Variants in MAPKAPK5 observed in about 807,000 individuals in gnomAD.
MAPKAPK5 encodes the protein MAPK activated protein kinase 5, also known as MAP kinase-activated protein kinase 5.
Under a neutral mutation model 65.1 loss-of-function variants are expected in MAPKAPK5, and 30 were observed. The ratio of observed to expected loss-of-function variants is 0.46; its 90% CI spans 0.34 to 0.63. MAPKAPK5 has a LOEUF of 0.63. Among genes scored for constraint, MAPKAPK5 ranks in the 20% least tolerant of loss-of-function variants. The pLI is 0.01. For synonymous variants in MAPKAPK5, 179 were observed against 204.6 expected (o/e 0.87, Z 1.07); for missense variants, 433 against 581.4 (o/e 0.74, Z 2.63).
Position 111,885,972 on chromosome 12 carries a change from C to T in MAPKAPK5, c.905C>T (p.Pro302Leu). The T allele has an allele frequency of 6.2e-7, 1 of 1,613,922 alleles. No individual in the cohort carries two copies. Among genetic ancestry groups the T allele is most frequent in the South Asian group, 1.1e-5 (1 of 91,072 alleles). ...ACCATCGAGGGAGTGCTGGACCACC[C>T]CTGGCTCAATTCCACCGAGGCCCTG... is the stretch of plus-strand genomic sequence containing the variant. ...RLTIEGVLDHPWLNSTEALDN... is the reference protein window; with the variant it reads ...RLTIEGVLDHLWLNSTEALDN... The change falls in exon 10 of 14, where the codon CCC becomes CTC. Residue 302 changes from proline (P) to leucine (L), a missense_variant. This residue lies in a region of MAPKAPK5 where 169 missense variants were observed against 215.6 expected (regional missense o/e 0.78). Transcript: ENST00000550735.
intron 13 of MAPKAPK5, among the ~76,000 whole-genome samples, 196 bp downstream of exon 13, chr12:111,890,340 C>G (rs1424436277): frequency 6.6e-6 from 1 of 152,164 alleles, no homozygotes; most frequent in Non-Finnish European, 1.5e-5. Flanking sequence ...CTGGCCCTTT[C>G]ACTTATTTTC....
At chr12:111,891,974 A>G (rs1376039513) in intron 13 of MAPKAPK5, among the ~76,000 whole-genome samples, 1 of 152,124 alleles carries the variant, frequency 6.6e-6, no homozygotes, top group Non-Finnish European at 1.5e-5. Flanking sequence ...CCCTCCCTCC[A>G]TTCAAAGGTA....
chr12:111,886,719 G>A (rs1169400174), intron 10 of MAPKAPK5, among the ~76,000 whole-genome samples: 2 of 152,200 alleles, frequency 1.3e-5, no homozygotes, highest in Non-Finnish European at 2.9e-5. Flanking sequence ...CTTTGCAAGT[G>A]GACAGAGGGG....
chr12:111,884,773 G>A (rs1354037018), intron 9 of MAPKAPK5, among the ~76,000 whole-genome samples: 1 of 152,156 alleles, frequency 6.6e-6, no homozygotes, highest in African/African-American at 2.4e-5. Flanking sequence ...TCTATAATGG[G>A]ATGAAGGTAC....
rs1295543302 is a variant in MAPKAPK5 at position 111,898,998 on chromosome 12, A to G, written c.*5937A>G. Reference sequence around the variant, plus strand: ...CTTCTACTTGGAATATCTTCCCATGAAAGTAAAAGGAATATAACTAAGGAA... The same window carrying G: ...CTTCTACTTGGAATATCTTCCCATGGAAGTAAAAGGAATATAACTAAGGAA... On this transcript the variant is annotated 3_prime_UTR_variant, in exon 14 of 14. Coordinates refer to ENST00000550735, the MANE Select transcript of MAPKAPK5 (RefSeq NM_003668.4). 3 of 152,220 alleles carry G rather than the reference A, an allele frequency of 2.0e-5. No individual in the cohort carries two copies. Among genetic ancestry groups the G allele is most frequent in the African/African-American group, 7.2e-5 (3 of 41,454 alleles). The allele number at this position is 152,220 out of a possible 1,614,324, so 9.4% of individuals were successfully genotyped here. A position where few individuals can be genotyped will look rare whatever the true frequency, so the allele number is the denominator to read the frequency against.
At chr12:111,852,864 C>T (rs547885408) in intron 1 of MAPKAPK5, among the ~76,000 whole-genome samples, 57 of 152,204 alleles carry the variant, frequency 3.7e-4, no homozygotes, top group Non-Finnish European at 6.0e-4. Flanking sequence ...ACCTCTGCCT[C>T]CCAGGTTCAA....
chr12:111,857,310 C>T (rs2069276022), intron 1 of MAPKAPK5, among the ~76,000 whole-genome samples: 2 of 150,670 alleles, frequency 1.3e-5, no homozygotes, highest in African/African-American at 4.9e-5. Flanking sequence ...GGTATGATCT[C>T]GGCTCACTGC....
Position 111,900,884 on chromosome 12 carries a change from C to CA in MAPKAPK5, c.*7823_*7824insA. 2.2e-6 allele frequency: 1 copy of CA among 455,992 alleles called. No individual in the cohort carries two copies. Among genetic ancestry groups the CA allele is most frequent in the South Asian group, 1.5e-5 (1 of 64,564 alleles). 28.2% of individuals were successfully genotyped at this position (455,992 alleles called of 1,614,324 possible). On this transcript the variant is annotated 3_prime_UTR_variant, in exon 14 of 14. Coordinates refer to ENST00000550735, the MANE Select transcript of MAPKAPK5 (RefSeq NM_003668.4). Reference sequence around the variant, plus strand: ...ATTGTATGGACCCTAATAATCAGTGCTTACAATTATATGGATATGGTGCAA... The same window carrying CA: ...ATTGTATGGACCCTAATAATCAGTGCATTACAATTATATGGATATGGTGCAA...
At chr12:111,877,306 A>C (rs1453670711) in intron 7 of MAPKAPK5, among the ~76,000 whole-genome samples, 1 of 151,822 alleles carries the variant, frequency 6.6e-6, no homozygotes, top group Non-Finnish European at 1.5e-5. Flanking sequence ...GGTGTGAGCC[A>C]CCATGCCCAG....
intron 1 of MAPKAPK5, among the ~76,000 whole-genome samples, chr12:111,859,403 C>A (rs1023997649): frequency 2.0e-5 from 3 of 150,190 alleles, no homozygotes. Flanking sequence ...CTCAGCCTCC[C>A]GAGTAGCTGG....
intron 1 of MAPKAPK5, among the ~76,000 whole-genome samples, chr12:111,856,927 A>G (rs2069260014): frequency 6.6e-6 from 1 of 152,034 alleles, no homozygotes; most frequent in Non-Finnish European, 1.5e-5. Context: ...CCAAGTTACT[A>G]TCTGATGTAA....
intron 4 of MAPKAPK5, among the ~76,000 whole-genome samples, chr12:111,867,905 C>A (rs1427514010): frequency 6.6e-6 from 1 of 152,196 alleles, no homozygotes; most frequent in Admixed American, 6.5e-5. Context: ...CCATCCTCAA[C>A]AGTAATCCTC....
intron 1 of MAPKAPK5, among the ~76,000 whole-genome samples, chr12:111,848,469 A>G (rs538239203): frequency 5.0e-4 from 73 of 146,970 alleles, no homozygotes; most frequent in Non-Finnish European, 9.6e-4. Context: ...GCTGGAGCAC[A>G]GTGGCACGAT....
chr12:111,867,971 T>C (rs532076943), intron 4 of MAPKAPK5, among the ~76,000 whole-genome samples: 12 of 152,326 alleles, frequency 7.9e-5, no homozygotes, highest in African/African-American at 2.9e-4. Context: ...CCCCTGATGA[T>C]TCTGATTACT....
At chr12:111,885,202 G>A (rs1175675541) in intron 9 of MAPKAPK5, among the ~76,000 whole-genome samples, 1 of 152,204 alleles carries the variant, frequency 6.6e-6, no homozygotes, top group Admixed American at 6.5e-5. Context: ...TGGCAGACAA[G>A]CTGAAGGAGC....
At position 111,901,702 on chromosome 12, in the gene MAPKAPK5, C is replaced by A; in HGVS notation, c.*8641C>A. 1 of 268,158 alleles carries A rather than the reference C, an allele frequency of 3.7e-6. No individual in the cohort carries two copies. 16.6% of individuals were successfully genotyped at this position (268,158 alleles called of 1,614,324 possible). On this transcript the variant is annotated 3_prime_UTR_variant, in exon 14 of 14. Transcript: ENST00000550735. ...AAGAAGAGGAGGAAGAATCAGATTC[C>A]TAAGGTTAGAAATAGGGAGATGAAG...
At chr12:111,867,959 A>G (rs2069665860) in intron 4 of MAPKAPK5, among the ~76,000 whole-genome samples, 1 of 152,190 alleles carries the variant, frequency 6.6e-6, no homozygotes, top group Non-Finnish European at 1.5e-5. Flanking sequence ...CACTCTTCAC[A>G]TCCCCTGATG....
At chr12:111,884,950 A>G (rs1002339200) in intron 9 of MAPKAPK5, among the ~76,000 whole-genome samples, 1 of 152,228 alleles carries the variant, frequency 6.6e-6, no homozygotes, top group Non-Finnish European at 1.5e-5. Flanking sequence ...GACAAGTACA[A>G]GTTTTTAGGA....
At chr12:111,891,157 G>A (rs753623169) in intron 13 of MAPKAPK5, among the ~76,000 whole-genome samples, 5 of 151,230 alleles carry the variant, frequency 3.3e-5, no homozygotes, top group Non-Finnish European at 7.4e-5. Context: ...GGAGTGGTGC[G>A]ATCTTGACTT....
Sources: allele counts gnomAD v4.1 joint callset (sites outside exome capture counted in the v4.1 genomes callset), GRCh38; gene constraint gnomAD v4.1.1; regional missense constraint gnomAD v4.1.1; transcripts MANE v1.5; gene names NCBI Gene and HGNC (gene_info 2026-07-23, HGNC 2026-07-21).